Variants in RMDN2 observed in about 807,000 individuals in gnomAD.
RMDN2 encodes regulator of microtubule dynamics protein 2.
A neutral mutation model predicts 52.8 loss-of-function variants in RMDN2; 61 were observed. That is an observed-to-expected ratio of 1.16 (90% CI 0.94 to 1.43). RMDN2 has a LOEUF of 1.43. Ranked by LOEUF, RMDN2 falls within the 40% of genes most tolerant of loss-of-function variation. RMDN2 has a pLI of 0.00. For missense variants in RMDN2, 592 were observed against 475.3 expected, an observed-to-expected ratio of 1.25 and a Z score of -2.28; for synonymous variants, 180 against 153.1, an observed-to-expected ratio of 1.18 and a Z score of -1.30.
intron 2 of RMDN2, among the ~76,000 whole-genome samples, chr2:37,970,214 C>G (rs566866314): frequency 4.1e-4 from 62 of 152,242 alleles, no homozygotes; most frequent in African/African-American, 1.5e-3. Flanking sequence ...CCGCACCTGG[C>G]TGCCTTCTAT....
rs200670379 is a variant in RMDN2 at position 38,005,534 on chromosome 2, CTTT to C, written c.1179+1321_1179+1323del. The stretch of plus-strand genomic sequence containing the variant: ...AGTGTCTGTTCATATCCTGTGCCCA[CTTT>C]TTGATGGGGTTGTTTGTTTTTTTCT... On this transcript the variant is annotated intron_variant, in intron 10 of 10. Coordinates refer to ENST00000354545, the MANE Select transcript of RMDN2 (RefSeq NM_001170791.3). Among the ~76,000 whole-genome samples the C allele has an allele frequency of 5.3e-3, 801 of 152,222 alleles. 2 individuals are homozygous for C. Among genetic ancestry groups the C allele is most frequent in the African/African-American group, 0.018 (762 of 41,498 alleles).
chr2:37,929,257 T>A lies in RMDN2; in HGVS notation c.-16-5T>A, dbSNP rs1666528576. 3 of 1,456,766 alleles carry A rather than the reference T, an allele frequency of 2.1e-6. No individual in the cohort carries two copies. The highest frequency in any genetic ancestry group is 2.8e-6 in the Non-Finnish European group (3 of 1,088,926). 90.2% of individuals were successfully genotyped at this position (1,456,766 alleles called of 1,614,324 possible). ...ATTCATTTACATTTATGTTTTTAAT[T>A]TTAGAAACGAAAACCAAGAAATGCC... On this transcript the variant is annotated splice_region_variant and splice_polypyrimidine_tract_variant and intron_variant, in intron 1 of 10. Coordinates refer to ENST00000354545, the MANE Select transcript of RMDN2 (RefSeq NM_001170791.3).
At chr2:37,928,294 C>A (rs1480955630) in intron 1 of RMDN2, among the ~76,000 whole-genome samples, 1 of 152,118 alleles carries the variant, frequency 6.6e-6, no homozygotes, top group African/African-American at 2.4e-5. Flanking sequence ...TCTCTCAGAC[C>A]CTCTTCCATA....
chr2:37,938,079 A>T (rs987295734), intron 2 of RMDN2, among the ~76,000 whole-genome samples: 4 of 152,148 alleles, frequency 2.6e-5, no homozygotes, highest in Non-Finnish European at 4.4e-5. Flanking sequence ...TACCTAGTTT[A>T]TTGAGTGTTT....
At chr2:38,037,769 A>G (rs766002253) in intron 10 of RMDN2, among the ~76,000 whole-genome samples, 8 of 152,200 alleles carry the variant, frequency 5.3e-5, no homozygotes, top group Non-Finnish European at 7.3e-5. Context: ...CTTATAAAGG[A>G]TACTGCGTGA....
At chr2:38,026,929 C>G (rs1161899212) in intron 10 of RMDN2, 1 of 137,158 alleles carries the variant, frequency 7.3e-6, no homozygotes, top group Non-Finnish European at 1.6e-5. Context: ...TGTTTTGTTT[C>G]AGGTTTTTTT....
At chr2:38,004,681 A>T (rs1209798557) in intron 10 of RMDN2, among the ~76,000 whole-genome samples, 1 of 151,114 alleles carries the variant, frequency 6.6e-6, no homozygotes, top group African/African-American at 2.4e-5. Flanking sequence ...TCCTTCTATG[A>T]TGGAGTTTTC....
intron 2 of RMDN2, among the ~76,000 whole-genome samples, chr2:37,961,175 C>T (rs1012035150): frequency 3.3e-5 from 5 of 152,028 alleles, no homozygotes; most frequent in Non-Finnish European, 7.4e-5. Flanking sequence ...CTTGGGGTTG[C>T]TCTTCTCGAG....
chr2:37,975,395 A>C (rs980283013), intron 4 of RMDN2, 81 bp downstream of exon 4: 3 of 815,954 alleles, frequency 3.7e-6, no homozygotes, highest in Non-Finnish European at 6.2e-6. Flanking sequence ...GGATGAGTTC[A>C]TGTCCTTTGC....
At chr2:38,001,171 TTTGTTCAACA>T (rs1240106770) in intron 8 of RMDN2, among the ~76,000 whole-genome samples, 1 of 152,240 alleles carries the variant, frequency 6.6e-6, no homozygotes, top group African/African-American at 2.4e-5. Flanking sequence ...GAAGAGCTAA[TTTGTTCAACA>T]GTGTTTATTA....
intron 2 of RMDN2, among the ~76,000 whole-genome samples, chr2:37,940,976 G>C (rs951693218): frequency 2.6e-5 from 4 of 152,092 alleles, no homozygotes; most frequent in Non-Finnish European, 4.4e-5. Flanking sequence ...GAGTCATTCT[G>C]GTTTTTGGAA....
chr2:37,937,301 C>T (rs572260044), intron 2 of RMDN2, among the ~76,000 whole-genome samples: 1 of 151,396 alleles, frequency 6.6e-6, no homozygotes, highest in Non-Finnish European at 1.5e-5. Context: ...GTTTTGGTTA[C>T]TGTAGTATAG....
chr2:38,015,282 C>G (rs1678595566), intron 10 of RMDN2, among the ~76,000 whole-genome samples: 2 of 152,124 alleles, frequency 1.3e-5, no homozygotes, highest in South Asian at 4.1e-4. Context: ...ATTGTTGACC[C>G]TCGACTGGGC....
Position 37,965,898 on chromosome 2 carries a change from A to T in RMDN2, c.453-8142A>T, listed in dbSNP as rs141811107. Reference sequence around the variant, plus strand: ...GCTGTTTATAGAAATCTCAGGTAACAGGTTTCTCTTTTCTTTCAGCACTTT... The same window carrying T: ...GCTGTTTATAGAAATCTCAGGTAACTGGTTTCTCTTTTCTTTCAGCACTTT... On this transcript the variant is annotated intron_variant, in intron 2 of 10. Transcript: ENST00000354545. Among the ~76,000 whole-genome samples the T allele has an allele frequency of 9.2e-5, 14 of 152,244 alleles. No homozygotes were observed. The East Asian group carries it at 2.7e-3, about 29-fold the overall frequency.
intron 2 of RMDN2, among the ~76,000 whole-genome samples, chr2:37,969,357 C>T (rs889120664): frequency 2.0e-5 from 3 of 151,574 alleles, no homozygotes; most frequent in African/African-American, 7.3e-5. Flanking sequence ...TATTGTTTTC[C>T]ATTTACTTAG....
At chr2:38,009,136 C>T (rs536808961) in intron 10 of RMDN2, among the ~76,000 whole-genome samples, 5 of 152,340 alleles carry the variant, frequency 3.3e-5, no homozygotes, top group East Asian at 1.9e-4. Flanking sequence ...CTGCCCTTAA[C>T]ATTTTTTCCT....
intron 8 of RMDN2, among the ~76,000 whole-genome samples, chr2:38,000,957 G>C (rs1676240533): frequency 6.6e-6 from 1 of 152,168 alleles, no homozygotes; most frequent in Admixed American, 6.5e-5. Flanking sequence ...TGCTGGCATG[G>C]CTGGAAACCA....
At chr2:38,066,215 C>T (rs550777331) in intron 10 of RMDN2, among the ~76,000 whole-genome samples, 395 of 152,266 alleles carry the variant, frequency 2.6e-3, no homozygotes, top group African/African-American at 8.9e-3. Context: ...ATTGTAAGTG[C>T]TCAACATATT....
downstream of RMDN2, among the ~76,000 whole-genome samples, chr2:38,018,039 G>A (rs369826023): frequency 2.0e-5 from 3 of 152,230 alleles, no homozygotes; most frequent in East Asian, 5.8e-4. Flanking sequence ...GGCAGGGACC[G>A]GCTATTTTCA....
Sources: allele counts gnomAD v4.1 joint callset (sites outside exome capture counted in the v4.1 genomes callset), GRCh38; gene constraint gnomAD v4.1.1; transcripts MANE v1.5; gene names NCBI Gene and HGNC (gene_info 2026-07-23, HGNC 2026-07-21).